POLE: variants seen among roughly 807,000 people sequenced by gnomAD.
POLE encodes DNA polymerase epsilon, catalytic subunit, also known as DNA polymerase epsilon catalytic subunit A.
A neutral mutation model predicts 279.2 loss-of-function variants in POLE; 188 were observed. That is an observed-to-expected ratio of 0.67 (90% CI 0.60 to 0.76). The LOEUF (loss-of-function observed/expected upper bound fraction) is 0.76, where lower values mean the gene tolerates loss of function less well. Among genes scored for constraint, POLE ranks in the 30% least tolerant of loss-of-function variants. POLE has a pLI of 0.00. For synonymous variants in POLE, 1,214 were observed against 1,172.5 expected (o/e 1.04, Z -0.72); for missense variants, 2,703 against 3,016.7 (o/e 0.90, Z 2.44).
Position 132,675,550 on chromosome 12 carries a change from G to C in POLE, c.1107-33C>G. On this transcript the variant is annotated intron_variant, in intron 11 of 48. Transcript: ENST00000320574. This position sits in a 1 kb window ranked among gnomAD's most constrained non-coding sequence, Gnocchi z 4.3. ...GGAAAGAGGACAGACAAGCAAGTGG[G>C]CAGGTCAGGCTCTAATGCCCCTTTC... is the stretch of plus-strand genomic sequence containing the variant. 1.2e-6 allele frequency: 2 copies of C among 1,612,848 alleles called. No homozygotes were observed. The highest frequency in any genetic ancestry group is 1.7e-6 in the Non-Finnish European group (2 of 1,179,568).
At chr12:132,628,462 G>A (rs1468517829) in intron 45 of POLE, among the ~76,000 whole-genome samples, 1 of 152,180 alleles carries the variant, frequency 6.6e-6, no homozygotes, top group African/African-American at 2.4e-5. Context: ...GACCAATATG[G>A]TGAAACTCTG....
chr12:132,654,173 T>A (rs1389775579), intron 29 of POLE, among the ~76,000 whole-genome samples: 1 of 152,176 alleles, frequency 6.6e-6, no homozygotes, highest in Non-Finnish European at 1.5e-5. Flanking sequence ...GGTTTTTTTT[T>A]TCCTTTTTCT....
Position 132,677,485 on chromosome 12 carries a change from G to C in POLE, c.721-42C>G, listed in dbSNP as rs1406239846. On this transcript the variant is annotated intron_variant, in intron 7 of 48. Transcript: ENST00000320574. ...GTGCTAACTAGAGTTCTACATCCAGGAAAGTCTATTCTTCTGTGGATTCAC... is the reference window on the plus strand; with the variant it reads ...GTGCTAACTAGAGTTCTACATCCAGCAAAGTCTATTCTTCTGTGGATTCAC... 3.6e-5 allele frequency: 58 copies of C among 1,608,630 alleles called. No individual in the cohort carries two copies. In the East Asian group the frequency reaches 1.3e-3, roughly 35 times the overall value.
chr12:132,632,930 C>T, intron 43 of POLE, 135 bp from the exon 44 acceptor site: 1 of 956,830 alleles, frequency 1.0e-6, no homozygotes, highest in Non-Finnish European at 1.5e-6. Context: ...TTATCTGCAG[C>T]CTTTAGATGA....
intron 15 of POLE, 23 bp downstream of exon 15, chr12:132,672,604 T>C: frequency 6.2e-7 from 1 of 1,610,108 alleles, no homozygotes; most frequent in Non-Finnish European, 8.5e-7. Flanking sequence ...GGGAAGAATC[T>C]GAATCCCAGG....
intron 45 of POLE, among the ~76,000 whole-genome samples, chr12:132,629,840 C>A (rs2041902600): frequency 6.6e-6 from 1 of 152,334 alleles, no homozygotes; most frequent in Non-Finnish European, 1.5e-5. Flanking sequence ...TTCAGCCTGT[C>A]TCGACTTTCA....
intron 29 of POLE, 68 bp downstream of exon 29, chr12:132,657,067 CG>C: frequency 6.5e-7 from 1 of 1,535,602 alleles, no homozygotes. Flanking sequence ...CACACAGCAG[CG>C]CAAGAAGCCT....
intron 32 of POLE, among the ~76,000 whole-genome samples, chr12:132,644,602 CTG>C (rs1184169477): frequency 6.6e-6 from 1 of 151,982 alleles, no homozygotes; most frequent in African/African-American, 2.4e-5. Context: ...ATGGCAAAAA[CTG>C]AGAGAAATCA....
chr12:132,644,114 C>T (rs1047159458), intron 32 of POLE, 137 bp from the exon 33 acceptor site: 5 of 721,988 alleles, frequency 6.9e-6, no homozygotes, highest in Non-Finnish European at 1.1e-5. Context: ...CGCCACAGTC[C>T]ACCTCTCTCA....
chr12:132,633,944 A>G (rs182572969), intron 43 of POLE: 11 of 437,482 alleles, frequency 2.5e-5, no homozygotes, highest in African/African-American at 2.0e-4. Flanking sequence ...GCCGCTCCCC[A>G]TGGAGTTTCC....
chr12:132,642,605 T>C lies in POLE; in HGVS notation c.4853A>G (p.Asn1618Ser), dbSNP rs775952114. Reference protein sequence around the residue: ...LVPICVADKINYGVLDWQRHG... With the variant: ...LVPICVADKISYGVLDWQRHG... The stretch of plus-strand genomic sequence containing the variant: ...GCGCTGCCAGTCCAGGACCCCATAG[T>C]TGATCTTGTCAGCCACACAGATAGG... The change falls in exon 37 of 49, where the codon AAC becomes AGC. Residue 1618 changes from asparagine to serine, a missense_variant. Asn to Ser is a conservative substitution (Grantham distance 46). Coordinates refer to ENST00000320574, the MANE Select transcript of POLE (RefSeq NM_006231.4). 1 of 1,613,580 alleles carries C rather than the reference T, an allele frequency of 6.2e-7. No individual in the cohort carries two copies. Among genetic ancestry groups the C allele is most frequent in the Non-Finnish European group, 8.5e-7 (1 of 1,180,032 alleles).
Position 132,642,917 on chromosome 12 carries a change from TCAGGGC to T in POLE, c.4625_4630del (p.Gly1542_Pro1543del). On this transcript the variant is annotated inframe_deletion, in exon 36 of 49. Coordinates refer to ENST00000320574, the MANE Select transcript of POLE (RefSeq NM_006231.4). ...GGTGTGTTTGGGGGGTGGCAGGAGC[TCAGGGC>T]CCACCTTCTCCAGGAGGAGGCCGTG... The T allele has an allele frequency of 6.2e-7, 1 of 1,613,098 alleles. No individual in the cohort carries two copies. Among genetic ancestry groups the T allele is most frequent in the Non-Finnish European group, 8.5e-7 (1 of 1,179,700 alleles).
chr12:132,672,500 A>G, intron 15 of POLE, 127 bp downstream of exon 15: 2 of 1,136,124 alleles, frequency 1.8e-6, no homozygotes, highest in Non-Finnish European at 2.6e-6. Flanking sequence ...TGGGCCAGAG[A>G]AGCCACACCC....
intron 26 of POLE, chr12:132,658,727 T>C (rs2042606158): frequency 6.4e-6 from 1 of 156,428 alleles, no homozygotes; most frequent in Non-Finnish European, 1.4e-5. Flanking sequence ...GCTTCAACAC[T>C]TGGCCACTCT....
chr12:132,655,573 G>A (rs1248191505), intron 29 of POLE, among the ~76,000 whole-genome samples: 1 of 152,148 alleles, frequency 6.6e-6, no homozygotes, highest in African/African-American at 2.4e-5. Flanking sequence ...AGGGAGGGAT[G>A]TTAACATCTC....
At position 132,624,967 on chromosome 12, in the gene POLE, C is replaced by T. The variant is rs2041801529; in HGVS notation, c.6685G>A (p.Glu2229Lys). Residue 2229 changes from glutamate to lysine, a missense_variant, in exon 48 of 49, where the codon GAG (glutamate) becomes AAG (lysine). Physicochemically the swap from Glu to Lys is moderately conservative, Grantham distance 56. Transcript: ENST00000320574. ...CTGCAGTACACAGGCATGCTGGTCT[C>T]CTTCACCCCGCGGCACTTCAGGCAG... ...LVCLKCRGVK[E>K]TSMPVYCSCA... 1 of 1,614,010 alleles carries T rather than the reference C, an allele frequency of 6.2e-7. No homozygotes were observed. Among genetic ancestry groups the T allele is most frequent in the Non-Finnish European group, 8.5e-7 (1 of 1,179,998 alleles).
In POLE at chr12:132,624,282, A is replaced by G. The variant is rs925475881; in HGVS notation, c.*415T>C. 1 of 274,488 alleles carries G rather than the reference A, an allele frequency of 3.6e-6. No individual in the cohort carries two copies. Among genetic ancestry groups the G allele is most frequent in the Non-Finnish European group, 7.0e-6 (1 of 143,014 alleles). 17.0% of individuals were successfully genotyped at this position (274,488 alleles called of 1,614,324 possible). On this transcript the variant is annotated 3_prime_UTR_variant, in exon 49 of 49. Coordinates refer to ENST00000320574, the MANE Select transcript of POLE (RefSeq NM_006231.4). Reference sequence around the variant, plus strand: ...GGAACCCGTCTCGTCTCAGAGCCCAATCTCAGGGAGCCAGAAGCCCCCAGG... The same window carrying G: ...GGAACCCGTCTCGTCTCAGAGCCCAGTCTCAGGGAGCCAGAAGCCCCCAGG...
intron 39 of POLE, among the ~76,000 whole-genome samples, chr12:132,640,190 C>CT (rs2042114810): frequency 6.6e-6 from 1 of 152,192 alleles, no homozygotes; most frequent in Admixed American, 6.5e-5. Context: ...CCCTGTCTGA[C>CT]TCTTCAGTCC....
chr12:132,673,113 T>C (rs748232749), intron 14 of POLE, 51 bp downstream of exon 14: 2 of 1,197,118 alleles, frequency 1.7e-6, no homozygotes, highest in Non-Finnish European at 2.5e-6. Flanking sequence ...GCATTTGGAA[T>C]GGGGCAAGGG....
Sources: allele counts gnomAD v4.1 joint callset (sites outside exome capture counted in the v4.1 genomes callset), GRCh38; gene constraint gnomAD v4.1.1; non-coding constraint Gnocchi (gnomAD v3.1); transcripts MANE v1.5; gene names NCBI Gene and HGNC (gene_info 2026-07-23, HGNC 2026-07-21).